Variants in FBXO33 observed in about 807,000 individuals in gnomAD.
FBXO33 encodes the protein F-box protein 33, also known as F-box only protein 33.
Under a neutral mutation model 46.3 loss-of-function variants are expected in FBXO33, and 22 were observed. The observed-to-expected ratio is 0.48, with a 90% CI of 0.34 to 0.68. The LOEUF (loss-of-function observed/expected upper bound fraction) is 0.68. FBXO33 is among the 30% of genes least tolerant of loss of function. The pLI, the probability that FBXO33 is intolerant of heterozygous loss-of-function variation, is 0.01. For missense variants in FBXO33, 692 were observed against 708.8 expected (o/e 0.98, Z 0.27); for synonymous variants, 337 against 291.3 (o/e 1.16, Z -1.60).
At chr14:39,409,963 A>G (rs1158475649) in intron 1 of FBXO33, among the ~76,000 whole-genome samples, 1 of 152,092 alleles carries the variant, frequency 6.6e-6, no homozygotes, top group Non-Finnish European at 1.5e-5. Flanking sequence ...TTTTCTATAT[A>G]TAATGCCATG....
At chr14:39,422,660 A>G (rs1321718016) in intron 1 of FBXO33, among the ~76,000 whole-genome samples, 1 of 152,246 alleles carries the variant, frequency 6.6e-6, no homozygotes, top group African/African-American at 2.4e-5. Flanking sequence ...ATTACTAGGT[A>G]GAGTGTAAAA....
rs570112783 is a variant in FBXO33, at chr14:39,413,352, C to T, written c.600-10841G>A. On this transcript the variant is annotated intron_variant, in intron 1 of 3. Transcript: ENST00000298097. The stretch of plus-strand genomic sequence containing the variant: ...GCAATTTAGTCAAATCTTCAGGCTC[C>T]ACTTCCAATTCTAGTTCTCTTGCAA... 2.0e-4 allele frequency among the ~76,000 whole-genome samples: 30 copies of T among 152,306 alleles called. No homozygotes were observed. In the East Asian group the frequency reaches 2.9e-3, roughly 15 times the overall value.
intron 1 of FBXO33, among the ~76,000 whole-genome samples, chr14:39,410,265 C>T (rs983603366): frequency 6.6e-6 from 1 of 152,140 alleles, no homozygotes; most frequent in South Asian, 2.1e-4. Flanking sequence ...TGAATTTTGT[C>T]AAATGCTTTT....
chr14:39,410,050 GC>G (rs1240072955), intron 1 of FBXO33, among the ~76,000 whole-genome samples: 2 of 152,006 alleles, frequency 1.3e-5, no homozygotes, highest in Non-Finnish European at 2.9e-5. Context: ...TCCGGCTAGA[GC>G]TTCCAATACT....
chr14:39,399,315 G>T lies in FBXO33; in HGVS notation c.*201C>A. The T allele has an allele frequency of 2.2e-6, 1 of 457,556 alleles. No homozygotes were observed. The highest frequency in any genetic ancestry group is 3.9e-6 in the Non-Finnish European group (1 of 259,306). The allele number at this position is 457,556 out of a possible 1,614,324, so 28.3% of individuals were successfully genotyped here. A position where few individuals can be genotyped will look rare whatever the true frequency, so the allele number is the denominator to read the frequency against. On this transcript the variant is annotated 3_prime_UTR_variant, in exon 4 of 4. Coordinates refer to ENST00000298097, the MANE Select transcript of FBXO33 (RefSeq NM_203301.4). ...GGTAACAAGTCCATTAACCGTGAAA[G>T]CCCTATACATTGTCACTTTGAACTT...
intron 1 of FBXO33, among the ~76,000 whole-genome samples, chr14:39,424,224 A>G (rs2075499267): frequency 6.6e-6 from 1 of 152,110 alleles, no homozygotes; most frequent in Non-Finnish European, 1.5e-5. Context: ...TTCAAATACC[A>G]CTTCAGTAGT....
intron 1 of FBXO33, among the ~76,000 whole-genome samples, chr14:39,411,532 T>G (rs535071144): frequency 6.6e-6 from 1 of 151,874 alleles, no homozygotes; most frequent in Admixed American, 6.6e-5. Context: ...CCCCCCTTTT[T>G]TTTTCTTGAG....
chr14:39,399,826 C>T, intron 3 of FBXO33, 39 bp from the exon 4 acceptor site: 3 of 1,481,548 alleles, frequency 2.0e-6, no homozygotes, highest in Non-Finnish European at 2.7e-6. Context: ...AATTTCCTTG[C>T]ATTTCCTTTT....
rs367708603 is a variant in FBXO33 at position 39,431,514 on chromosome 14, A to C, written c.599+50T>G. ...ACAGAATCTGTGTCGGGGTGCGGGGACGGAGCGACCCCCCGTTACCGGGCG... is the reference window on the plus strand; with the variant it reads ...ACAGAATCTGTGTCGGGGTGCGGGGCCGGAGCGACCCCCCGTTACCGGGCG... On this transcript the variant is annotated intron_variant, in intron 1 of 3. Coordinates refer to ENST00000298097, the MANE Select transcript of FBXO33 (RefSeq NM_203301.4). 5.0e-6 allele frequency: 8 copies of C among 1,602,162 alleles called. No homozygotes were observed. In the African/African-American group the frequency reaches 1.1e-4, roughly 21 times the overall value.
At position 39,403,696 on chromosome 14, in the gene FBXO33, C is replaced by T. The variant is rs531605886; in HGVS notation, c.600-1185G>A. Among the ~76,000 whole-genome samples the T allele has an allele frequency of 4.8e-4, 73 of 151,958 alleles. No individual in the cohort carries two copies. In the Middle Eastern group the frequency reaches 0.017, roughly 35 times the overall value. Reference sequence around the variant, plus strand: ...AGAAAACTCCTAAGTCCAATAATAACGAACTAGATATTTCATTTATAACAT... The same window carrying T: ...AGAAAACTCCTAAGTCCAATAATAATGAACTAGATATTTCATTTATAACAT... On this transcript the variant is annotated intron_variant, in intron 1 of 3. Coordinates refer to ENST00000298097, the MANE Select transcript of FBXO33 (RefSeq NM_203301.4).
At chr14:39,409,153 T>C (rs934332945) in intron 1 of FBXO33, among the ~76,000 whole-genome samples, 2 of 152,140 alleles carry the variant, frequency 1.3e-5, no homozygotes, top group East Asian at 3.9e-4. Flanking sequence ...AACCACAAAG[T>C]CATTACCAAG....
chr14:39,420,134 T>C (rs1362346191), intron 1 of FBXO33, among the ~76,000 whole-genome samples: 2 of 152,212 alleles, frequency 1.3e-5, no homozygotes, highest in South Asian at 2.1e-4. Context: ...TACTAAAATA[T>C]GTATATTGTG....
intron 1 of FBXO33, among the ~76,000 whole-genome samples, chr14:39,416,256 G>GTT (rs71435661): frequency 0.27 from 39,982 of 149,466 alleles, 5,526 homozygotes; most frequent in East Asian, 0.51. Context: ...TTGGTTGACA[G>GTT]TTTTTTTTTT....
In FBXO33 at chr14:39,402,522, A is replaced by C; in HGVS notation, c.600-11T>G. 1 of 1,350,552 alleles carries C rather than the reference A, an allele frequency of 7.4e-7. No individual in the cohort carries two copies. The highest frequency in any genetic ancestry group is 9.9e-7 in the Non-Finnish European group (1 of 1,006,530). The allele number at this position is 1,350,552 out of a possible 1,614,324, so 83.7% of individuals were successfully genotyped here. On this transcript the variant is annotated splice_polypyrimidine_tract_variant and intron_variant, in intron 1 of 3. Coordinates refer to ENST00000298097, the MANE Select transcript of FBXO33 (RefSeq NM_203301.4). ...AACTTCTGAAGGTTCCTACAAGAAC[A>C]ATCATTTAAAATGATTTGCTAAATA... is the stretch of plus-strand genomic sequence containing the variant.
intron 1 of FBXO33, among the ~76,000 whole-genome samples, chr14:39,402,725 C>T (rs2075374564): frequency 7.1e-6 from 1 of 140,284 alleles, no homozygotes; most frequent in Non-Finnish European, 1.5e-5. Flanking sequence ...CTCTGTCACC[C>T]AGGCTGGAGG....
At chr14:39,421,333 G>C (rs180980535) in intron 1 of FBXO33, among the ~76,000 whole-genome samples, 20 of 152,256 alleles carry the variant, frequency 1.3e-4, no homozygotes, top group African/African-American at 4.1e-4. Context: ...GAGTATACGT[G>C]ATGAGCATCT....
intron 1 of FBXO33, among the ~76,000 whole-genome samples, chr14:39,402,784 A>G (rs2075374915): frequency 6.8e-6 from 1 of 146,680 alleles, no homozygotes; most frequent in Non-Finnish European, 1.5e-5. Context: ...CCGGGTTCAC[A>G]CCATTCTCCT....
rs184376040 is a variant in FBXO33, at chr14:39,413,429, A to C, written c.600-10918T>G. ...TACACTGAAGTCTTGAACTCCTCAA[A>C]TGATCCATGAGTGCTGGAATCAATC... is the stretch of plus-strand genomic sequence containing the variant. On this transcript the variant is annotated intron_variant, in intron 1 of 3. Transcript: ENST00000298097. 4.5e-4 allele frequency among the ~76,000 whole-genome samples: 69 copies of C among 152,314 alleles called. No homozygotes were observed. In the East Asian group the frequency reaches 0.012, roughly 27 times the overall value.
intron 1 of FBXO33, among the ~76,000 whole-genome samples, chr14:39,420,069 A>C (rs1019778694): frequency 2.0e-5 from 3 of 152,240 alleles, no homozygotes; most frequent in Non-Finnish European, 4.4e-5. Flanking sequence ...ATCCTTAAGC[A>C]CTTACAACTT....
Sources: allele counts gnomAD v4.1 joint callset (sites outside exome capture counted in the v4.1 genomes callset), GRCh38; gene constraint gnomAD v4.1.1; transcripts MANE v1.5; gene names NCBI Gene and HGNC (gene_info 2026-07-23, HGNC 2026-07-21).